Variants in BTBD3 observed in about 807,000 individuals in gnomAD.
BTBD3 encodes BTB/POZ domain-containing protein 3.
Under a neutral mutation model 41.6 loss-of-function variants are expected in BTBD3, and 14 were observed. That is an observed-to-expected ratio of 0.34 (90% CI 0.22 to 0.53). The LOEUF (loss-of-function observed/expected upper bound fraction) is 0.53, where lower values mean the gene tolerates loss of function less well. BTBD3 is among the 20% of genes least tolerant of loss of function. BTBD3 has a pLI of 0.95. For synonymous variants in BTBD3, 249 were observed against 233.7 expected (o/e 1.07, Z -0.60); for missense variants, 426 against 654.7 (o/e 0.65, Z 3.81).
chr20:11,900,520 C>A (rs991199828), intron 1 of BTBD3, among the ~76,000 whole-genome samples: 2 of 151,890 alleles, frequency 1.3e-5, no homozygotes, highest in Non-Finnish European at 2.9e-5. Flanking sequence ...TTGAAAGTGG[C>A]GGTCTTGCCT....
intron 1 of BTBD3, chr20:11,892,593 A>G (rs534560145): frequency 2.6e-4 from 40 of 152,300 alleles, no homozygotes; most frequent in African/African-American, 9.6e-4. Context: ...AGATACTTAC[A>G]GATTATTAAC....
intron 3 of BTBD3, among the ~76,000 whole-genome samples, 176 bp downstream of exon 3, chr20:11,920,012 T>C (rs1183970224): frequency 6.6e-6 from 1 of 152,216 alleles, no homozygotes; most frequent in Admixed American, 6.5e-5. Flanking sequence ...GTGGAAAGCA[T>C]ATGGAATTAT....
chr20:11,896,360 A>G (rs2056787223), intron 1 of BTBD3, among the ~76,000 whole-genome samples: 1 of 152,222 alleles, frequency 6.6e-6, no homozygotes. Flanking sequence ...CACTTATGCG[A>G]AAAGCTTTGC....
At chr20:11,899,068 G>C (rs560382796) in intron 1 of BTBD3, among the ~76,000 whole-genome samples, 1 of 152,216 alleles carries the variant, frequency 6.6e-6, no homozygotes, top group African/African-American at 2.4e-5. Flanking sequence ...TCTTTAACCA[G>C]TCTGCAAATA....
chr20:11,915,212 T>C (rs2056910671), upstream of BTBD3, among the ~76,000 whole-genome samples: 1 of 152,214 alleles, frequency 6.6e-6, no homozygotes, highest in South Asian at 2.1e-4. Flanking sequence ...TCATTATCTT[T>C]TAAAATAATT....
At chr20:11,912,738 A>G (rs964259914) in intron 1 of BTBD3, among the ~76,000 whole-genome samples, 4 of 152,230 alleles carry the variant, frequency 2.6e-5, no homozygotes, top group African/African-American at 9.6e-5. Flanking sequence ...TGCCTTCACA[A>G]TAAACCTGAG....
chr20:11,901,576 C>G (rs964380765), intron 1 of BTBD3, among the ~76,000 whole-genome samples: 9 of 152,026 alleles, frequency 5.9e-5, no homozygotes, highest in African/African-American at 2.2e-4. Flanking sequence ...AATTTAATAC[C>G]ATTCAATAAG....
rs748478643 is a variant in BTBD3, at chr20:11,919,842, C to T, written c.536+6C>T. ...GCTTTTCTCGCTATGCTGAAGTAAGCATCATTCGTGTGTTTGGAAAGAGTT... is the reference window on the plus strand; with the variant it reads ...GCTTTTCTCGCTATGCTGAAGTAAGTATCATTCGTGTGTTTGGAAAGAGTT... On this transcript the variant is annotated splice_donor_region_variant and intron_variant, in intron 3 of 3. Coordinates refer to ENST00000378226, the MANE Select transcript of BTBD3 (RefSeq NM_014962.4). The T allele has an allele frequency of 1.9e-5, 30 of 1,608,528 alleles. No homozygotes were observed. Among genetic ancestry groups the T allele is most frequent in the Non-Finnish European group, 2.2e-5 (26 of 1,175,012 alleles).
upstream of BTBD3, among the ~76,000 whole-genome samples, chr20:11,916,477 C>G: frequency 6.6e-6 from 1 of 152,102 alleles, no homozygotes; most frequent in East Asian, 1.9e-4. Flanking sequence ...GCTTCAGGAT[C>G]CATCTAAAAT....
At chr20:11,891,186 G>C (rs1237801964) in intron 1 of BTBD3, 3 of 161,380 alleles carry the variant, frequency 1.9e-5, no homozygotes, top group East Asian at 1.9e-4. Flanking sequence ...GAGGGGGGGG[G>C]GGTCCCAGTG....
At chr20:11,901,023 C>T (rs1363521592) in intron 1 of BTBD3, among the ~76,000 whole-genome samples, 2 of 152,096 alleles carry the variant, frequency 1.3e-5, no homozygotes, top group Non-Finnish European at 2.9e-5. Context: ...AGTCCATCTA[C>T]AAATTTAATG....
At chr20:11,909,205 C>T (rs762480261) in intron 1 of BTBD3, among the ~76,000 whole-genome samples, 1 of 148,232 alleles carries the variant, frequency 6.7e-6, no homozygotes, top group Non-Finnish European at 1.5e-5. Flanking sequence ...ACCCTGGAGG[C>T]GGAGGTTGCA....
chr20:11,910,894 T>C (rs559430913), intron 1 of BTBD3, among the ~76,000 whole-genome samples: 12 of 152,346 alleles, frequency 7.9e-5, no homozygotes, highest in South Asian at 2.1e-4. Flanking sequence ...ATGGTTGTCA[T>C]AGTAGCAGTC....
intron 1 of BTBD3, among the ~76,000 whole-genome samples, chr20:11,907,624 A>C (rs543010796): frequency 5.9e-5 from 9 of 152,232 alleles, no homozygotes; most frequent in Non-Finnish European, 1.2e-4. Flanking sequence ...GCATTTGGGC[A>C]TGATGAGTCT....
upstream of BTBD3, among the ~76,000 whole-genome samples, chr20:11,915,589 G>C (rs1468841810): frequency 1.3e-5 from 2 of 152,068 alleles, no homozygotes; most frequent in African/African-American, 4.8e-5. Context: ...TGCTGCTGCT[G>C]ATCCTTCAAC....
At chr20:11,898,811 T>C (rs1159080462) in intron 1 of BTBD3, among the ~76,000 whole-genome samples, 10 of 151,684 alleles carry the variant, frequency 6.6e-5, no homozygotes, top group African/African-American at 2.4e-4. Context: ...ATACAGAGAG[T>C]GGTTATGAGA....
In BTBD3 at chr20:11,908,334, TTTTTTA is replaced by T. The variant is rs1419218050; in HGVS notation, c.-125-9999_-125-9994del. 2.0e-5 allele frequency among the ~76,000 whole-genome samples: 3 copies of T among 147,352 alleles called. 1 individual carries two copies. Among genetic ancestry groups the T allele is most frequent in the African/African-American group, 5.0e-5 (2 of 40,196 alleles). On this transcript the variant is annotated intron_variant, in intron 1 of 4. Coordinates refer to the BTBD3 transcript ENST00000254977. ...TGCTTCTCTGTGGTTTTTTTTTTTT[TTTTTTA>T]AATAAGGTACTGACAGTTGAGTTGC...
chr20:11,904,426 G>C (rs2056841564), intron 1 of BTBD3, among the ~76,000 whole-genome samples: 1 of 152,078 alleles, frequency 6.6e-6, no homozygotes, highest in African/African-American at 2.4e-5. Context: ...CTCAACATTG[G>C]GGATTACAAT....
At position 11,923,347 on chromosome 20, in the gene BTBD3, G is replaced by A; in HGVS notation, c.1250G>A (p.Cys417Tyr). ...IAGFGLYGSS[C>Y]GSAEYSAKIE... ...GGCTTTGGGCTGTATGGCTCCAGCT[G>A]TGGTTCTGCAGAATACAGTGCCAAG... Residue 417 changes from cysteine (C) to tyrosine (Y), a missense_variant, in exon 4 of 4, where the codon TGT (cysteine) becomes TAT (tyrosine). Around this residue, in one of 3 missense-constraint regions of BTBD3, gnomAD observed 321 missense variants for 534.8 expected, o/e 0.60. Coordinates refer to ENST00000378226, the MANE Select transcript of BTBD3 (RefSeq NM_014962.4). This position sits in a 1 kb window ranked among gnomAD's most constrained non-coding sequence, Gnocchi z 5.3. The A allele has an allele frequency of 6.2e-7, 1 of 1,614,228 alleles. No homozygotes were observed. The highest frequency in any genetic ancestry group is 8.5e-7 in the Non-Finnish European group (1 of 1,180,044).
Sources: allele counts gnomAD v4.1 joint callset (sites outside exome capture counted in the v4.1 genomes callset), GRCh38; gene constraint gnomAD v4.1.1; regional missense constraint gnomAD v4.1.1; non-coding constraint Gnocchi (gnomAD v3.1); transcripts MANE v1.5; gene names NCBI Gene and HGNC (gene_info 2026-07-23, HGNC 2026-07-21).